N4BP2: variants seen among roughly 807,000 people sequenced by gnomAD.
N4BP2 encodes the protein NEDD4 binding protein 2, also known as NEDD4-binding protein 2.
N4BP2 carries 91 observed loss-of-function variants against 152.8 expected under a neutral mutation model. The ratio of observed to expected loss-of-function variants is 0.60; its 90% CI spans 0.50 to 0.71. The LOEUF is 0.71. Among genes scored for constraint, N4BP2 ranks in the 30% least tolerant of loss-of-function variants. The pLI, the probability that N4BP2 is intolerant of heterozygous loss-of-function variation, is 0.00. For missense variants in N4BP2, 1,923 were observed against 2,059.1 expected (o/e 0.93, Z 1.28); for synonymous variants, 646 against 705.3 (o/e 0.92, Z 1.33).
chr4:40,084,846 C>T (rs1413772703), intron 2 of N4BP2, among the ~76,000 whole-genome samples: 21 of 150,628 alleles, frequency 1.4e-4, no homozygotes, highest in African/African-American at 4.9e-4. Flanking sequence ...AACTCCCGAC[C>T]TCAGGTGATC....
chr4:40,108,072 T>G (rs376075466), intron 5 of N4BP2, among the ~76,000 whole-genome samples: 1 of 151,272 alleles, frequency 6.6e-6, no homozygotes, highest in South Asian at 2.1e-4. Flanking sequence ...GGACTATAGG[T>G]GTGTGATACC....
chr4:40,094,660 A>G (rs1000008879), intron 2 of N4BP2, among the ~76,000 whole-genome samples: 1 of 151,894 alleles, frequency 6.6e-6, no homozygotes, highest in Admixed American at 6.6e-5. Context: ...GGTTCAAGCA[A>G]TTCTGCCTTA....
intron 3 of N4BP2, among the ~76,000 whole-genome samples, chr4:40,101,095 CT>C (rs1715605688): frequency 1.3e-5 from 2 of 152,104 alleles, no homozygotes; most frequent in South Asian, 4.1e-4. Flanking sequence ...TATGTGAGAT[CT>C]TTTCTTATTC....
In N4BP2 at chr4:40,157,135, A is replaced by T. The variant is rs1721661252; in HGVS notation, c.*2898A>T. 1 of 152,138 alleles carries T rather than the reference A, an allele frequency of 6.6e-6. No homozygotes were observed. The highest frequency in any genetic ancestry group is 2.4e-5 in the African/African-American group (1 of 41,452). The allele number at this position is 152,138 out of a possible 1,614,324, so 9.4% of individuals were successfully genotyped here. A position where few individuals can be genotyped will look rare whatever the true frequency, so the allele number is the denominator to read the frequency against. ...ACCCCAGAGGGTGTCCAGTTGGACC[A>T]GGGAGATATTAGACACTTAACAGTA... is the stretch of plus-strand genomic sequence containing the variant. On this transcript the variant is annotated 3_prime_UTR_variant, in exon 18 of 18. Transcript: ENST00000261435.
chr4:40,064,989 C>T (rs1733932044), intron 1 of N4BP2, among the ~76,000 whole-genome samples: 1 of 152,062 alleles, frequency 6.6e-6, no homozygotes, highest in Non-Finnish European at 1.5e-5. Context: ...AGACTGGTCT[C>T]GAACTCCTGA....
Position 40,121,672 on chromosome 4 carries a change from C to T in N4BP2, c.3561C>T (p.Asn1187=), listed in dbSNP as rs368709827. The T allele has an allele frequency of 9.9e-6, 16 of 1,613,968 alleles. No homozygotes were observed. Among genetic ancestry groups the T allele is most frequent in the South Asian group, 4.4e-5 (4 of 91,080 alleles). Residue 1187 remains asparagine (N), a synonymous_variant, in exon 9 of 18, where the codon AAC becomes AAT. Coordinates refer to ENST00000261435, the MANE Select transcript of N4BP2 (RefSeq NM_018177.6). ...TTAGCCATGGGATTGGTATTAGTAA[C>T]GCTGACTCACAGTCTACTTGTGATG... is the stretch of plus-strand genomic sequence containing the variant. ...PEFSHGIGIS[N]ADSQSTCDAE...
chr4:40,102,017 T>A, intron 3 of N4BP2, 58 bp from the exon 4 acceptor site: 1 of 1,062,412 alleles, frequency 9.4e-7, no homozygotes, highest in Non-Finnish European at 1.3e-6. Context: ...ATAAAATTAT[T>A]AAATCTGTTT....
At chr4:40,106,069 G>C (rs1716248089) in intron 4 of N4BP2, among the ~76,000 whole-genome samples, 1 of 152,078 alleles carries the variant, frequency 6.6e-6, no homozygotes, top group Non-Finnish European at 1.5e-5. Context: ...CTTAATAGAT[G>C]CTACAGAAAG....
chr4:40,175,502 GTAA>G, the N4BP2 span, among the ~76,000 whole-genome samples: 3 of 152,200 alleles, frequency 2.0e-5, no homozygotes, highest in South Asian at 6.2e-4. Context: ...AGAACTGTAG[GTAA>G]TAATAATGTA....
chr4:40,062,562 C>CTTTTTTTTTTT (rs1330023601), intron 1 of N4BP2, among the ~76,000 whole-genome samples: 1 of 137,230 alleles, frequency 7.3e-6, no homozygotes, highest in African/African-American at 2.7e-5. Context: ...TTCTGAACTT[C>CTTTTTTTTTTT]TTTTTTTTTT....
Position 40,102,897 on chromosome 4 carries a change from C to A in N4BP2, c.1052C>A (p.Pro351Gln). The change falls in exon 4 of 18, where the codon CCA (proline) becomes CAA (glutamine). Residue 351 changes from proline to glutamine, a missense_variant. Pro to Gln is a moderately conservative substitution (Grantham distance 76). Coordinates refer to ENST00000261435, the MANE Select transcript of N4BP2 (RefSeq NM_018177.6). ...VSYCPVLAPL[P>Q]LLLPPPPPPP... ...TACTGCCCGGTACTTGCTCCTCTCCCATTGCTGTTGCCTCCTCCGCCACCT... is the reference window on the plus strand; with the variant it reads ...TACTGCCCGGTACTTGCTCCTCTCCAATTGCTGTTGCCTCCTCCGCCACCT... 2 of 1,614,222 alleles carry A rather than the reference C, an allele frequency of 1.2e-6. No homozygotes were observed. Among genetic ancestry groups the A allele is most frequent in the East Asian group, 4.5e-5 (2 of 44,892 alleles).
downstream of N4BP2, among the ~76,000 whole-genome samples, chr4:40,163,190 G>A (rs1033630262): frequency 1.3e-5 from 2 of 152,224 alleles, no homozygotes; most frequent in African/African-American, 4.8e-5. Context: ...ATTTGTGTAT[G>A]TATTTGGAAG....
At chr4:40,066,739 A>C (rs1245941802) in intron 1 of N4BP2, among the ~76,000 whole-genome samples, 1 of 152,170 alleles carries the variant, frequency 6.6e-6, no homozygotes, top group Non-Finnish European at 1.5e-5. Flanking sequence ...TGGGGAAAAA[A>C]GTACAACGTA....
At chr4:40,180,842 C>T in the N4BP2 span, among the ~76,000 whole-genome samples, 1 of 152,126 alleles carries the variant, frequency 6.6e-6, no homozygotes, top group Non-Finnish European at 1.5e-5. Flanking sequence ...TCTACCATGA[C>T]CTTATCCTGG....
chr4:40,142,353 G>T (rs1720094621), intron 14 of N4BP2: 2 of 311,102 alleles, frequency 6.4e-6, no homozygotes, highest in Admixed American at 3.9e-5. Context: ...CTGGGTGGTG[G>T]TTTTACCTCC....
At chr4:40,182,467 T>C in the N4BP2 span, among the ~76,000 whole-genome samples, 2 of 152,138 alleles carry the variant, frequency 1.3e-5, no homozygotes, top group African/African-American at 2.4e-5. Context: ...TTTATTTATT[T>C]TGAGACAGGG....
chr4:40,169,963 C>CA, the N4BP2 span, among the ~76,000 whole-genome samples: 1,059 of 45,600 alleles, frequency 0.023, 13 homozygotes, highest in African/African-American at 0.049. Flanking sequence ...GACTCAATCT[C>CA]AAAAAAAAAA....
At chr4:40,136,006 G>A (rs768197023) in intron 13 of N4BP2, among the ~76,000 whole-genome samples, 4 of 152,192 alleles carry the variant, frequency 2.6e-5, no homozygotes, top group Admixed American at 1.3e-4. Flanking sequence ...ATATTGGAAC[G>A]TGAGTGTGTC....
the N4BP2 span, among the ~76,000 whole-genome samples, chr4:40,180,434 ATAGT>A: frequency 2.6e-5 from 4 of 152,298 alleles, no homozygotes; most frequent in South Asian, 4.1e-4. Context: ...ATGCAGGCAG[ATAGT>A]TAGTCACTCT....
Sources: allele counts gnomAD v4.1 joint callset (sites outside exome capture counted in the v4.1 genomes callset), GRCh38; gene constraint gnomAD v4.1.1; transcripts MANE v1.5; gene names NCBI Gene and HGNC (gene_info 2026-07-23, HGNC 2026-07-21).